The following NRXN1 variants were observed in gnomAD, a reference collection of about 807,000 sequenced individuals.
NRXN1 encodes the protein neurexin 1, also known as neurexin-1.
In NRXN1, 39 loss-of-function variants were observed where a neutral mutation model predicts 150.9. The observed-to-expected ratio is 0.26, with a 90% CI of 0.20 to 0.34. The LOEUF is 0.34. Among genes scored for constraint, NRXN1 ranks in the 10% least tolerant of loss-of-function variants. NRXN1 has a pLI of 1.00. For synonymous variants in NRXN1, 924 were observed against 757.0 expected, an observed-to-expected ratio of 1.22 and a Z score of -3.62; for missense variants, 1,815 against 1,949.9, an observed-to-expected ratio of 0.93 and a Z score of 1.30.
At chr2:50,676,725 G>C (rs1689600202) in intron 5 of NRXN1, among the ~76,000 whole-genome samples, 1 of 152,094 alleles carries the variant, frequency 6.6e-6, no homozygotes, top group African/African-American at 2.4e-5. Context: ...AAGCACTAAA[G>C]AGTTCCAAAG....
chr2:50,651,653 T>C (rs553180735), intron 5 of NRXN1, among the ~76,000 whole-genome samples: 6 of 152,026 alleles, frequency 3.9e-5, no homozygotes, highest in African/African-American at 1.4e-4. Flanking sequence ...TAAAACTCTA[T>C]CTCAAAAAGA....
intron 17 of NRXN1, among the ~76,000 whole-genome samples, chr2:50,335,556 T>A (rs546991605): frequency 1.3e-5 from 2 of 152,188 alleles, no homozygotes; most frequent in African/African-American, 4.8e-5. Context: ...AAAGGCTTAA[T>A]CTAAATTCTA....
At chr2:50,966,359 C>T (rs549772414) in intron 2 of NRXN1, among the ~76,000 whole-genome samples, 14 of 151,200 alleles carry the variant, frequency 9.3e-5, no homozygotes, top group African/African-American at 3.1e-4. Context: ...AAAAAAAACT[C>T]TAATAACATC....
At chr2:50,060,650 G>A (rs1262197448) in intron 19 of NRXN1, among the ~76,000 whole-genome samples, 1 of 152,138 alleles carries the variant, frequency 6.6e-6, no homozygotes, top group South Asian at 2.1e-4. Flanking sequence ...GAGACACCCA[G>A]TGGGAGGTAA....
chr2:49,922,076 A>G lies in NRXN1; in HGVS notation c.4392T>C (p.His1464=), dbSNP rs112536447. The change falls in exon 23 of 23, where the codon CAT becomes CAC. Residue 1464 remains histidine, a synonymous_variant. Transcript: ENST00000401669. ...KYRNRDEGSY[H]VDESRNYISN... ...TGATGTAGTTTCGACTCTCGTCCACATGGTATGAGCCTTCATCCCGGTTTC... is the reference window on the plus strand; with the variant it reads ...TGATGTAGTTTCGACTCTCGTCCACGTGGTATGAGCCTTCATCCCGGTTTC... The G allele has an allele frequency of 3.8e-4, 617 of 1,614,098 alleles. No homozygotes were observed. The highest frequency in any genetic ancestry group is 1.8e-3 in the Middle Eastern group (11 of 6,062).
chr2:50,298,178 C>CAT (rs1558477726), intron 17 of NRXN1, among the ~76,000 whole-genome samples: 57 of 152,118 alleles, frequency 3.7e-4, no homozygotes, highest in African/African-American at 1.4e-3. Flanking sequence ...AACAGTTGCA[C>CAT]CTCTTCTTGG....
intron 21 of NRXN1, among the ~76,000 whole-genome samples, chr2:50,014,542 C>T (rs1262079872): frequency 3.3e-5 from 5 of 152,084 alleles, no homozygotes; most frequent in South Asian, 2.1e-4. Context: ...TTGTGACAAT[C>T]GAAAGTGTCT....
rs560652364 is a variant in NRXN1 at position 50,105,637 on chromosome 2, A to C, written c.3547-14143T>G. Reference sequence around the variant, plus strand: ...AACAAGGTTAGTCATGGAGTTTTCTACTAAATAACATTTGTGACTGAAATA... The same window carrying C: ...AACAAGGTTAGTCATGGAGTTTTCTCCTAAATAACATTTGTGACTGAAATA... On this transcript the variant is annotated intron_variant, in intron 18 of 22. Coordinates refer to ENST00000401669, the MANE Select transcript of NRXN1 (RefSeq NM_001330078.2). Among the ~76,000 whole-genome samples the C allele has an allele frequency of 6.8e-4, 104 of 152,202 alleles. No individual in the cohort carries two copies. In the Middle Eastern group the frequency reaches 0.01, roughly 15 times the overall value.
intron 6 of NRXN1, among the ~76,000 whole-genome samples, chr2:50,623,081 C>A (rs1452753376): frequency 6.6e-6 from 1 of 152,024 alleles, no homozygotes; most frequent in Non-Finnish European, 1.5e-5. Context: ...ATCCTTGCAG[C>A]CCTTTTGGAA....
At chr2:50,180,447 T>C (rs960049836) in intron 18 of NRXN1, among the ~76,000 whole-genome samples, 2 of 152,108 alleles carry the variant, frequency 1.3e-5, no homozygotes, top group Admixed American at 6.6e-5. Flanking sequence ...TCCCCCAGAA[T>C]ATGTGTGTTG....
intron 5 of NRXN1, among the ~76,000 whole-genome samples, chr2:50,848,084 G>A (rs2105962175): frequency 6.6e-6 from 1 of 152,258 alleles, no homozygotes; most frequent in Middle Eastern, 3.4e-3. Flanking sequence ...AACTAAGAGA[G>A]CATCATGTAA....
chr2:50,343,676 T>A (rs2077718155), intron 17 of NRXN1, among the ~76,000 whole-genome samples: 1 of 152,194 alleles, frequency 6.6e-6, no homozygotes, highest in Non-Finnish European at 1.5e-5. Flanking sequence ...ACCTTGTAAG[T>A]GACACCTCAT....
intron 5 of NRXN1, among the ~76,000 whole-genome samples, chr2:50,723,017 G>C (rs1696878262): frequency 6.6e-6 from 1 of 152,028 alleles, no homozygotes; most frequent in African/African-American, 2.4e-5. Context: ...AGAGTGAACA[G>C]ATCACTTCGC....
At chr2:50,737,141 C>A (rs566246055) in intron 5 of NRXN1, among the ~76,000 whole-genome samples, 2 of 152,004 alleles carry the variant, frequency 1.3e-5, no homozygotes, top group Admixed American at 1.3e-4. Context: ...TGCCTGTAAT[C>A]CCAGCTACTT....
intron 18 of NRXN1, among the ~76,000 whole-genome samples, chr2:50,194,323 T>C (rs894248923): frequency 2.6e-5 from 4 of 152,128 alleles, no homozygotes; most frequent in African/African-American, 9.7e-5. Context: ...AAACAGAAGA[T>C]TCTGGCTATT....
intron 17 of NRXN1, among the ~76,000 whole-genome samples, chr2:50,345,502 TA>T (rs1319930178): frequency 6.6e-6 from 1 of 152,066 alleles, no homozygotes; most frequent in Non-Finnish European, 1.5e-5. Flanking sequence ...AAAATGGATA[TA>T]AAAAAAGTGC....
rs182401492 is a variant in NRXN1 at position 50,682,212 on chromosome 2, T to G, written c.833-58597A>C. Among the ~76,000 whole-genome samples, 20 of 152,322 alleles carry G rather than the reference T, an allele frequency of 1.3e-4. 1 individual carries two copies. The East Asian group carries it at 3.9e-3, about 29-fold the overall frequency. ...TCCTTGCAAACTGGGTGAGACTATG[T>G]AGATGCCCCAGCAAATTACCCAGAC... On this transcript the variant is annotated intron_variant, in intron 5 of 22. Transcript: ENST00000401669.
rs918849328 is a variant in NRXN1, at chr2:50,731,380, C to A, written c.833-107765G>T. 2.0e-5 allele frequency among the ~76,000 whole-genome samples: 3 copies of A among 152,178 alleles called. No individual in the cohort carries two copies. In the South Asian group the frequency reaches 6.2e-4, roughly 32 times the overall value. On this transcript the variant is annotated intron_variant, in intron 5 of 22. Transcript: ENST00000401669. ...ATTATTCTTTTGTAAGTTCGCTGTT[C>A]GAAATTTTAAATGCACTTATATTCA...
At chr2:50,370,303 A>AT (rs1234955647) in intron 17 of NRXN1, among the ~76,000 whole-genome samples, 1 of 152,004 alleles carries the variant, frequency 6.6e-6, no homozygotes, top group Non-Finnish European at 1.5e-5. Flanking sequence ...CCATAAAGCC[A>AT]TGGTTTAATA....
Sources: allele counts gnomAD v4.1 joint callset (sites outside exome capture counted in the v4.1 genomes callset), GRCh38; gene constraint gnomAD v4.1.1; transcripts MANE v1.5; gene names NCBI Gene and HGNC (gene_info 2026-07-23, HGNC 2026-07-21).